ABHD17C: variants seen among roughly 807,000 people sequenced by gnomAD.
ABHD17C encodes the protein abhydrolase domain containing 17C, depalmitoylase.
In ABHD17C, 11 loss-of-function variants were observed where a neutral mutation model predicts 27.9. That is an observed-to-expected ratio of 0.39 (90% confidence interval 0.25 to 0.65). The LOEUF is 0.65. Ranked by LOEUF, ABHD17C falls within the 30% of genes least tolerant of loss-of-function variation. ABHD17C has a pLI of 0.45. For missense variants in ABHD17C, 280 were observed against 470.2 expected, an observed-to-expected ratio of 0.60 and a Z score of 3.74; for synonymous variants, 233 against 209.1, an observed-to-expected ratio of 1.11 and a Z score of -0.98.
At chr15:80,744,347 C>G (rs1267672043) in intron 1 of ABHD17C, among the ~76,000 whole-genome samples, 2 of 152,020 alleles carry the variant, frequency 1.3e-5, no homozygotes, top group Non-Finnish European at 2.9e-5. Context: ...GGTCACTAGT[C>G]TAATACTTTG....
At chr15:80,741,407 A>C (rs966618178) in intron 1 of ABHD17C, among the ~76,000 whole-genome samples, 1 of 151,382 alleles carries the variant, frequency 6.6e-6, no homozygotes, top group Non-Finnish European at 1.5e-5. Context: ...TGTAGATCCT[A>C]CCAACTTTGG....
At chr15:80,714,725 A>G (rs1894779885) in intron 1 of ABHD17C, among the ~76,000 whole-genome samples, 1 of 152,220 alleles carries the variant, frequency 6.6e-6, no homozygotes, top group Non-Finnish European at 1.5e-5. Context: ...ACACACACAG[A>G]CACGCACAAA....
chr15:80,720,049 C>CTTAG (rs1567033808), intron 1 of ABHD17C, among the ~76,000 whole-genome samples: 1 of 152,224 alleles, frequency 6.6e-6, no homozygotes, highest in Non-Finnish European at 1.5e-5. Context: ...GCCCTCCCAC[C>CTTAG]TTAGCCTCCC....
intron 1 of ABHD17C, among the ~76,000 whole-genome samples, chr15:80,697,798 A>C (rs1224416236): frequency 6.6e-6 from 1 of 152,222 alleles, no homozygotes; most frequent in East Asian, 1.9e-4. Context: ...ACCAGAACTC[A>C]TATCTAAGTT....
At chr15:80,729,157 G>A (rs1368696946) in intron 1 of ABHD17C, among the ~76,000 whole-genome samples, 2 of 152,280 alleles carry the variant, frequency 1.3e-5, no homozygotes, top group South Asian at 2.1e-4. Context: ...GATAACCACT[G>A]GAGGAATAAA....
chr15:80,751,730 G>C (rs935688821), intron 2 of ABHD17C, among the ~76,000 whole-genome samples: 16 of 152,116 alleles, frequency 1.1e-4, no homozygotes, highest in African/African-American at 3.9e-4. Flanking sequence ...CTCCAGCTTG[G>C]GCAACAGAGC....
chr15:80,727,422 G>A (rs1398702908), intron 1 of ABHD17C, among the ~76,000 whole-genome samples: 2 of 152,154 alleles, frequency 1.3e-5, no homozygotes, highest in Non-Finnish European at 2.9e-5. Context: ...GTGTGCCCTC[G>A]CTAGCCTTGC....
Position 80,695,601 on chromosome 15 carries a change from G to A in ABHD17C, c.172G>A (p.Ala58Thr). 8.9e-7 allele frequency: 1 copy of A among 1,128,968 alleles called. No individual in the cohort carries two copies. 69.9% of individuals were successfully genotyped at this position (1,128,968 alleles called of 1,614,324 possible). A position where few individuals can be genotyped will look rare whatever the true frequency, so the allele number is the denominator to read the frequency against. Residue 58 changes from alanine (A) to threonine (T), a missense_variant, in exon 1 of 3, where the codon GCC becomes ACC. By Grantham distance (58) the Ala-to-Thr change is moderately conservative (BLOSUM62 0). Around this residue, in one of 2 missense-constraint regions of ABHD17C, gnomAD observed 206 missense variants for 394.7 expected, o/e 0.52. Transcript: ENST00000258884. The surrounding 1 kb of genome is among the most constrained non-coding windows in gnomAD (Gnocchi z 4.3). ...GCGCGGCGCCGGCGCGTCCGCCCCG[G>A]CCCCGGCCCAGGCTACCGCCGCCGC... ...EQRGAGASAP[A>T]PAQATAAAAA...
chr15:80,754,610 G>A lies in ABHD17C; in HGVS notation c.*240G>A, dbSNP rs1895410148. The A allele has an allele frequency of 4.2e-6, 2 of 472,634 alleles. No individual in the cohort carries two copies. The highest frequency in any genetic ancestry group is 7.6e-6 in the Non-Finnish European group (2 of 263,086). 29.3% of individuals were successfully genotyped at this position (472,634 alleles called of 1,614,324 possible). A position where few individuals can be genotyped will look rare whatever the true frequency, so the allele number is the denominator to read the frequency against. On this transcript the variant is annotated 3_prime_UTR_variant, in exon 3 of 3. Transcript: ENST00000258884. ...CCAGCTTCATTACCTTGCAGGAATG[G>A]GAATGAGAGCTGAATGTAGGGACAA...
At chr15:80,719,597 G>C (rs1361326299) in intron 1 of ABHD17C, among the ~76,000 whole-genome samples, 1 of 152,184 alleles carries the variant, frequency 6.6e-6, no homozygotes, top group Non-Finnish European at 1.5e-5. Context: ...GGGGATATGT[G>C]TTATGCTAGA....
At chr15:80,737,018 T>G (rs1276838688) in intron 1 of ABHD17C, among the ~76,000 whole-genome samples, 2 of 152,148 alleles carry the variant, frequency 1.3e-5, no homozygotes, top group African/African-American at 4.8e-5. Context: ...AGGGTGCTCT[T>G]GGGGGCATGT....
At chr15:80,704,145 C>T (rs2141490657) in intron 1 of ABHD17C, among the ~76,000 whole-genome samples, 1 of 152,274 alleles carries the variant, frequency 6.6e-6, no homozygotes, top group East Asian at 1.9e-4. Context: ...GCCAGGAACC[C>T]ACTAGAGTAA....
intron 1 of ABHD17C, among the ~76,000 whole-genome samples, chr15:80,740,202 C>T (rs142480513): frequency 2.6e-5 from 4 of 152,230 alleles, no homozygotes; most frequent in African/African-American, 7.2e-5. Context: ...CCCTGCCGGT[C>T]TTCCACTTGC....
chr15:80,724,819 A>G (rs1013417042), intron 1 of ABHD17C, among the ~76,000 whole-genome samples: 2 of 152,114 alleles, frequency 1.3e-5, no homozygotes, highest in African/African-American at 4.8e-5. Flanking sequence ...TAGTTTTATC[A>G]GGGATGGAGT....
chr15:80,722,296 A>G (rs1438940416), intron 1 of ABHD17C, among the ~76,000 whole-genome samples: 3 of 138,482 alleles, frequency 2.2e-5, no homozygotes, highest in Non-Finnish European at 3.1e-5. Context: ...TCAGGTCATC[A>G]TTTTGAACTA....
In ABHD17C at chr15:80,695,676, G is replaced by C; in HGVS notation, c.247G>C (p.Gly83Arg). The change falls in exon 1 of 3, where the codon GGG becomes CGG. Residue 83 changes from glycine (G) to arginine (R), a missense_variant. By Grantham distance (125) the Gly-to-Arg change is moderately radical. Transcript: ENST00000258884. The surrounding 1 kb of genome is among the most constrained non-coding windows in gnomAD (Gnocchi z 4.3). ...PQQPEEGAGA[G>R]PGACSLHLSE... ...GCAGCCCGAGGAGGGCGCGGGCGCG[G>C]GGCCCGGTGCGTGCAGCCTGCACCT... 6.9e-7 allele frequency: 1 copy of C among 1,457,418 alleles called. No homozygotes were observed. The highest frequency in any genetic ancestry group is 2.9e-5 in the East Asian group (1 of 34,174). The allele number at this position is 1,457,418 out of a possible 1,614,324, so 90.3% of individuals were successfully genotyped here. A position where few individuals can be genotyped will look rare whatever the true frequency, so the allele number is the denominator to read the frequency against.
At chr15:80,737,770 G>A (rs1596071265) in intron 1 of ABHD17C, among the ~76,000 whole-genome samples, 1 of 152,230 alleles carries the variant, frequency 6.6e-6, no homozygotes, top group East Asian at 1.9e-4. Context: ...TGACAAGGAG[G>A]GAGAACATTC....
intron 1 of ABHD17C, among the ~76,000 whole-genome samples, chr15:80,723,410 C>T (rs1157130517): frequency 6.6e-6 from 1 of 152,114 alleles, no homozygotes; most frequent in African/African-American, 2.4e-5. Context: ...ATAATGCTGA[C>T]AGCCAGATTA....
intron 1 of ABHD17C, among the ~76,000 whole-genome samples, chr15:80,714,165 A>G (rs964624948): frequency 2.6e-5 from 4 of 152,052 alleles, no homozygotes; most frequent in African/African-American, 9.7e-5. Flanking sequence ...CATTTTGTCC[A>G]GGCTGGTCTT....
Sources: gnomAD v4.1 joint callset for allele counts (sites outside exome capture counted in the v4.1 genomes callset) on GRCh38, gnomAD v4.1.1 for gene constraint, gnomAD v4.1.1 regional missense constraint, Gnocchi (gnomAD v3.1) non-coding constraint, MANE v1.5 for transcripts, NCBI Gene and HGNC (gene_info 2026-07-23, HGNC 2026-07-21) for gene names.